TENM2: variants seen among roughly 807,000 people sequenced by gnomAD.
TENM2 encodes the protein teneurin transmembrane protein 2.
In TENM2, 52 loss-of-function variants were observed where a neutral mutation model predicts 245.2. The ratio of observed to expected loss-of-function variants is 0.21; its 90% CI spans 0.17 to 0.27. TENM2 has a LOEUF of 0.27. TENM2 is among the 10% of genes least tolerant of loss of function. The pLI, the probability that TENM2 is intolerant of heterozygous loss-of-function variation, is 1.00. For missense variants in TENM2, 3,046 were observed against 3,666.8 expected (o/e 0.83, Z 4.37); for synonymous variants, 1,363 against 1,438.9 (o/e 0.95, Z 1.19).
At chr5:168,228,452 C>G (rs1764454695) in intron 25 of TENM2, among the ~76,000 whole-genome samples, 1 of 152,204 alleles carries the variant, frequency 6.6e-6, no homozygotes, top group South Asian at 2.1e-4. Context: ...CTAGAGACAG[C>G]TTTGGTCTTC....
At chr5:167,923,838 C>T (rs566906528) in intron 3 of TENM2, among the ~76,000 whole-genome samples, 47 of 152,208 alleles carry the variant, frequency 3.1e-4, no homozygotes, top group South Asian at 8.3e-4. Context: ...CCACCCAGAA[C>T]GAACTCTCTT....
intron 3 of TENM2, among the ~76,000 whole-genome samples, chr5:167,917,219 A>G (rs1777018881): frequency 6.6e-6 from 1 of 152,212 alleles, no homozygotes; most frequent in South Asian, 2.1e-4. Context: ...TTGCTCACCA[A>G]ACAAGATGCC....
chr5:168,239,168 T>C (rs1765871024), intron 25 of TENM2, among the ~76,000 whole-genome samples: 1 of 152,150 alleles, frequency 6.6e-6, no homozygotes, highest in Non-Finnish European at 1.5e-5. Context: ...CTCCAGCATC[T>C]CGCACCCACA....
At chr5:168,149,278 C>T (rs543406171) in intron 12 of TENM2, 7 of 441,528 alleles carry the variant, frequency 1.6e-5, no homozygotes, top group South Asian at 1.2e-4. Context: ...GCTCCCCTGT[C>T]ACCCTTTCCC....
At chr5:167,787,348 T>C (rs1181239266) in intron 2 of TENM2, among the ~76,000 whole-genome samples, 2 of 152,238 alleles carry the variant, frequency 1.3e-5, no homozygotes, top group Admixed American at 6.5e-5. Context: ...TCAGTACTTG[T>C]ACAATTGCAA....
chr5:167,960,453 G>C (rs934062608), intron 4 of TENM2, among the ~76,000 whole-genome samples: 1 of 152,188 alleles, frequency 6.6e-6, no homozygotes, highest in African/African-American at 2.4e-5. Flanking sequence ...GCTGTGGTGG[G>C]CTCTGCCCAG....
chr5:167,055,740 AC>A, the TENM2 span, among the ~76,000 whole-genome samples: 1 of 152,008 alleles, frequency 6.6e-6, no homozygotes, highest in Non-Finnish European at 1.5e-5. Flanking sequence ...AAAGCAATTA[AC>A]CTTTATATAT....
At chr5:167,789,539 A>G (rs1468277605) in intron 2 of TENM2, among the ~76,000 whole-genome samples, 1 of 152,114 alleles carries the variant, frequency 6.6e-6, no homozygotes, top group Non-Finnish European at 1.5e-5. Flanking sequence ...GTCCTCTTCC[A>G]GGTTGGTTGG....
the TENM2 span, among the ~76,000 whole-genome samples, chr5:167,230,894 C>A: frequency 6.6e-6 from 1 of 152,194 alleles, no homozygotes; most frequent in African/African-American, 2.4e-5. Context: ...CCATAATCCC[C>A]ACTTGTAGTG....
Position 167,519,363 on chromosome 5 carries a change from C to T in TENM2, c.502+143890C>T, listed in dbSNP as rs370459928. 2.8e-4 allele frequency among the ~76,000 whole-genome samples: 42 copies of T among 152,164 alleles called. 1 individual carries two copies. In the South Asian group the frequency reaches 8.7e-3, roughly 32 times the overall value. On this transcript the variant is annotated intron_variant, in intron 2 of 28. Coordinates refer to ENST00000518659, the Ensembl canonical transcript of TENM2. ...GGTTGATCAATTAAGGTCTTTGATT[C>T]TAAATTTTACTTCCACATCTACCAT... is the stretch of plus-strand genomic sequence containing the variant.
At position 168,248,073 on chromosome 5, in the gene TENM2, G is replaced by A. The variant is rs746622498; in HGVS notation, c.7134G>A (p.Val2378=). The change falls in exon 27 of 29, where the codon GTG becomes GTA. Residue 2378 remains valine (V), a synonymous_variant. Coordinates refer to ENST00000518659, the Ensembl canonical transcript of TENM2. ...ATAACACAGGGACTCCTCTGGCTGT[G>A]TTCAGCATCAACGGCCTCATGATCA... The A allele has an allele frequency of 1.9e-5, 30 of 1,613,894 alleles. No individual in the cohort carries two copies. In the Admixed American group the frequency reaches 4.0e-4, roughly 22 times the overall value.
intron 2 of TENM2, among the ~76,000 whole-genome samples, chr5:167,747,022 A>C (rs745310347): frequency 2.6e-5 from 4 of 152,220 alleles, no homozygotes; most frequent in Non-Finnish European, 5.9e-5. Flanking sequence ...TGTATATTAA[A>C]TAAAGAGATT....
intron 2 of TENM2, among the ~76,000 whole-genome samples, chr5:167,481,862 CTG>C (rs935771674): frequency 1.3e-5 from 2 of 152,164 alleles, no homozygotes; most frequent in African/African-American, 2.4e-5. Context: ...TCGCCAAAAA[CTG>C]TGGGCATTTG....
At chr5:167,559,653 C>T (rs1773464837) in intron 2 of TENM2, among the ~76,000 whole-genome samples, 1 of 152,136 alleles carries the variant, frequency 6.6e-6, no homozygotes, top group Admixed American at 6.5e-5. Context: ...ATTGCAGCTC[C>T]ACAGCCATTC....
chr5:167,021,391 T>TA, the TENM2 span, among the ~76,000 whole-genome samples: 3 of 152,198 alleles, frequency 2.0e-5, no homozygotes, highest in African/African-American at 7.2e-5. Context: ...TAAAATGCTA[T>TA]AAAAAACTGT....
At chr5:167,976,296 T>C (rs1782441722) in intron 4 of TENM2, among the ~76,000 whole-genome samples, 1 of 152,106 alleles carries the variant, frequency 6.6e-6, no homozygotes, top group Non-Finnish European at 1.5e-5. Context: ...GAACTTCATT[T>C]CTCAAATGAG....
chr5:167,930,462 T>C (rs1208334223), intron 3 of TENM2, among the ~76,000 whole-genome samples: 1 of 90,968 alleles, frequency 1.1e-5, no homozygotes, highest in Non-Finnish European at 2.0e-5. Flanking sequence ...ATTTTATTTA[T>C]TTATTTATTT....
At chr5:167,736,615 A>C (rs1014515661) in intron 2 of TENM2, among the ~76,000 whole-genome samples, 8 of 152,004 alleles carry the variant, frequency 5.3e-5, no homozygotes, top group Non-Finnish European at 8.8e-5. Context: ...GAAACCTTAA[A>C]AACTCGACTC....
chr5:168,163,077 G>A (rs1204746155), intron 13 of TENM2, among the ~76,000 whole-genome samples: 2 of 152,172 alleles, frequency 1.3e-5, no homozygotes, highest in African/African-American at 2.4e-5. Flanking sequence ...GATAACAGTC[G>A]GTGACAATGA....
Sources: allele counts gnomAD v4.1 joint callset (sites outside exome capture counted in the v4.1 genomes callset), GRCh38; gene constraint gnomAD v4.1.1; transcripts MANE v1.5; gene names NCBI Gene and HGNC (gene_info 2026-07-23, HGNC 2026-07-21).